Variants in ENTR1 observed in about 807,000 individuals in gnomAD.
ENTR1 encodes the protein endosome associated trafficking regulator 1.
In ENTR1, 47 loss-of-function variants were observed where a neutral mutation model predicts 47.9. The observed-to-expected ratio is 0.98, with a 90% CI of 0.78 to 1.25. The LOEUF is 1.25. ENTR1 is among the 50% of genes most tolerant of loss of function. The probability of loss-of-function intolerance (pLI) is 0.00; values close to 1 mark genes in which losing one functional copy is unlikely to be tolerated. For missense variants in ENTR1, 668 were observed against 570.5 expected (o/e 1.17, Z -1.74); for synonymous variants, 290 against 245.8 (o/e 1.18, Z -1.68).
intron 3 of ENTR1, among the ~76,000 whole-genome samples, chr9:136,408,790 C>T (rs1834911257): frequency 6.6e-6 from 1 of 152,176 alleles, no homozygotes; most frequent in Non-Finnish European, 1.5e-5. Context: ...GCTCCTGTGG[C>T]CCCAGCCCCC....
rs1163681662 is a variant in ENTR1 at position 136,410,474 on chromosome 9, GGCCCGCGTCGCCC to G, written c.-90_-78del. On this transcript the variant is annotated 5_prime_UTR_variant, in exon 1 of 10. Transcript: ENST00000357365. ...ATGGCCCCGGCTCCGCCCGTGCCGC[GGCCCGCGTCGCCC>G]GCCCCCGTCGCCCGCCCCCGTCGCC... The G allele has an allele frequency of 1.4e-5, 14 of 993,144 alleles. No homozygotes were observed. The highest frequency in any genetic ancestry group is 7.9e-5 in the East Asian group (1 of 12,582). 61.5% of individuals were successfully genotyped at this position (993,144 alleles called of 1,614,324 possible). A position where few individuals can be genotyped will look rare whatever the true frequency, so the allele number is the denominator to read the frequency against.
intron 3 of ENTR1, among the ~76,000 whole-genome samples, chr9:136,408,432 G>T (rs1834889681): frequency 6.6e-6 from 1 of 152,004 alleles, no homozygotes; most frequent in African/African-American, 2.4e-5. Context: ...CAAAAAATTA[G>T]CCAGGCGTGG....
intron 3 of ENTR1, 38 bp downstream of exon 3, chr9:136,408,961 G>C: frequency 6.4e-7 from 1 of 1,573,724 alleles, no homozygotes; most frequent in Non-Finnish European, 8.7e-7. Context: ...CACTGTGTTG[G>C]ATGGAGACAA....
chr9:136,407,598 T>A (rs778078270), intron 4 of ENTR1, 37 bp from the exon 5 acceptor site: 2 of 1,510,130 alleles, frequency 1.3e-6, no homozygotes, highest in East Asian at 2.3e-5. Context: ...ATGGAGGCCA[T>A]GCTTCTGACT....
Position 136,407,411 on chromosome 9 carries a change from T to C in ENTR1, c.553A>G (p.Ser185Gly), listed in dbSNP as rs1588791524. ...DEEEDEDTGW[S>G]GAYLPSAIEQ... ...ATGGCGGACGGCAGGTAGGCCCCACTCCATCCGGTGTCCTCATCCTCCTCC... is the reference window on the plus strand; with the variant it reads ...ATGGCGGACGGCAGGTAGGCCCCACCCCATCCGGTGTCCTCATCCTCCTCC... The change falls in exon 5 of 10, where the codon AGT (serine) becomes GGT (glycine). Residue 185 changes from serine to glycine, a missense_variant. Coordinates refer to ENST00000357365, the MANE Select transcript of ENTR1 (RefSeq NM_001039707.2). 6.2e-7 allele frequency: 1 copy of C among 1,608,788 alleles called. No homozygotes were observed. Among genetic ancestry groups the C allele is most frequent in the Non-Finnish European group, 8.5e-7 (1 of 1,179,028 alleles).
chr9:136,404,896 C>A, intron 7 of ENTR1, 195 bp downstream of exon 7: 3 of 667,530 alleles, frequency 4.5e-6, no homozygotes, highest in Non-Finnish European at 5.1e-6. Flanking sequence ...TCTGGCCCCC[C>A]ACTCCCCACG....
intron 9 of ENTR1, among the ~76,000 whole-genome samples, chr9:136,403,295 C>T (rs1225322076): frequency 9.4e-5 from 11 of 117,548 alleles, no homozygotes; most frequent in Admixed American, 4.4e-4. Context: ...CAGAAGGGGT[C>T]CCAGGGAGCA....
Position 136,404,709 on chromosome 9 carries a change from G to C in ENTR1, c.1006-16C>G. The C allele has an allele frequency of 6.2e-7, 1 of 1,613,620 alleles. No homozygotes were observed. On this transcript the variant is annotated splice_polypyrimidine_tract_variant and intron_variant, in intron 7 of 9. Coordinates refer to ENST00000357365, the MANE Select transcript of ENTR1 (RefSeq NM_001039707.2). ...CAGCCCGTTTCTGTTACCCAAAAAAGAAAAACCACAAAAAGCATCACTGAT... is the reference window on the plus strand; with the variant it reads ...CAGCCCGTTTCTGTTACCCAAAAAACAAAAACCACAAAAAGCATCACTGAT...
Position 136,410,092 on chromosome 9 carries a change from G to T in ENTR1, c.218C>A (p.Thr73Lys), listed in dbSNP as rs369696101. 10 of 1,612,614 alleles carry T rather than the reference G, an allele frequency of 6.2e-6. No homozygotes were observed. The African/African-American group carries it at 1.1e-4, about 17-fold the overall frequency. Residue 73 changes from threonine to lysine, a missense_variant and splice_region_variant, in exon 2 of 10, where the codon ACA (threonine) becomes AAA (lysine). By Grantham distance (78) the Thr-to-Lys change is moderately conservative. Transcript: ENST00000357365. ...GGGCCGGCGCCCTCGTCTCTCACCT[G>T]TGTCTCCCACGGAAGCCAGCACCGG... ...PSPVLASVGD[T>K]DFGYGKGKCS...
Position 136,402,934 on chromosome 9 carries a change from C to T in ENTR1, c.1209-47G>A, listed in dbSNP as rs539020018. The T allele has an allele frequency of 4.3e-6, 6 of 1,384,866 alleles. No individual in the cohort carries two copies. In the Admixed American group the frequency reaches 9.6e-5, roughly 22 times the overall value. 85.8% of individuals were successfully genotyped at this position (1,384,866 alleles called of 1,614,324 possible). On this transcript the variant is annotated intron_variant, in intron 9 of 9. Coordinates refer to ENST00000357365, the MANE Select transcript of ENTR1 (RefSeq NM_001039707.2). The stretch of plus-strand genomic sequence containing the variant: ...AGGATGGGTGGCAGCAGCTACTCAG[C>T]AGCAACAGGGTTCTGGGGGGAGAAA...
rs1257476053 is a variant in ENTR1, at chr9:136,407,413, C to T, written c.551G>A (p.Trp184Ter). The part of the protein sequence containing the change: ...LDEEEDEDTG[W>*]SGAYLPSAIE... The stretch of plus-strand genomic sequence containing the variant: ...GGCGGACGGCAGGTAGGCCCCACTC[C>T]ATCCGGTGTCCTCATCCTCCTCCTC... The change falls in exon 5 of 10, where the codon TGG (tryptophan) becomes TAG (stop). Residue 184 changes from tryptophan (W) to a stop codon, truncating the protein, a stop_gained. Coordinates refer to ENST00000357365, the MANE Select transcript of ENTR1 (RefSeq NM_001039707.2). LOFTEE classifies it high-confidence loss of function. The T allele has an allele frequency of 1.2e-6, 2 of 1,609,366 alleles. No individual in the cohort carries two copies. Among genetic ancestry groups the T allele is most frequent in the Non-Finnish European group, 1.7e-6 (2 of 1,179,162 alleles).
Position 136,402,026 on chromosome 9 carries a change from A to C in ENTR1, c.*762T>G, listed in dbSNP as rs1465407859. On this transcript the variant is annotated 3_prime_UTR_variant, in exon 10 of 10. Coordinates refer to ENST00000357365, the MANE Select transcript of ENTR1 (RefSeq NM_001039707.2). ...TAGGAAAATAGTCAAAAAAGCATTTAGTGCTCATCGCCGTCCCTCTGAGGG... is the reference window on the plus strand; with the variant it reads ...TAGGAAAATAGTCAAAAAAGCATTTCGTGCTCATCGCCGTCCCTCTGAGGG... The C allele has an allele frequency of 6.6e-6, 1 of 152,612 alleles. No individual in the cohort carries two copies. Among genetic ancestry groups the C allele is most frequent in the Non-Finnish European group, 1.5e-5 (1 of 68,062 alleles). The allele number at this position is 152,612 out of a possible 1,614,324, so 9.5% of individuals were successfully genotyped here.
At chr9:136,406,265 T>C (rs1214585576) in intron 5 of ENTR1, among the ~76,000 whole-genome samples, 1 of 151,946 alleles carries the variant, frequency 6.6e-6, no homozygotes, top group Non-Finnish European at 1.5e-5. Context: ...GTCAGGAGTT[T>C]GAGACCAGCC....
At position 136,407,558 on chromosome 9, in the gene ENTR1, C is replaced by G; in HGVS notation, c.406G>C (p.Ala136Pro). ...DPASRIYAKEASRHSLGLDHN... is the reference protein window; with the variant it reads ...DPASRIYAKEPSRHSLGLDHN... ...TCAAGTCCCAGGGAATGCCTCGAGG[C>G]TTCCTAAAAAAAAAAAAAAAAAAAA... Residue 136 changes from alanine to proline, a missense_variant, in exon 5 of 10, where the codon GCC becomes CCC. By Grantham distance (27) the Ala-to-Pro change is conservative. Coordinates refer to ENST00000357365, the MANE Select transcript of ENTR1 (RefSeq NM_001039707.2). 1 of 1,390,436 alleles carries G rather than the reference C, an allele frequency of 7.2e-7. No individual in the cohort carries two copies. Among genetic ancestry groups the G allele is most frequent in the Non-Finnish European group, 9.4e-7 (1 of 1,064,352 alleles). The allele number at this position is 1,390,436 out of a possible 1,614,324, so 86.1% of individuals were successfully genotyped here. A position where few individuals can be genotyped will look rare whatever the true frequency, so the allele number is the denominator to read the frequency against.
Position 136,409,072 on chromosome 9 carries a change from A to G in ENTR1, c.221-5T>C, listed in dbSNP as rs757976260. On this transcript the variant is annotated splice_region_variant and splice_polypyrimidine_tract_variant and intron_variant, in intron 2 of 9. Coordinates refer to ENST00000357365, the MANE Select transcript of ENTR1 (RefSeq NM_001039707.2). ...TCCCCTTTCCATAGCCAAAATCTGC[A>G]AAGAAACAATGTCACCCACCATGCT... The G allele has an allele frequency of 1.2e-6, 2 of 1,613,822 alleles. No individual in the cohort carries two copies. The highest frequency in any genetic ancestry group is 2.2e-5 in the East Asian group (1 of 44,888).
chr9:136,409,937 G>A, intron 2 of ENTR1, 153 bp downstream of exon 2: 1 of 918,184 alleles, frequency 1.1e-6, no homozygotes, highest in Non-Finnish European at 1.8e-6. Context: ...TGAGCTCCTA[G>A]CAGGGGACTC....
In ENTR1 at chr9:136,404,687, C is replaced by A; in HGVS notation, c.1012G>T (p.Ala338Ser). 1 of 1,614,102 alleles carries A rather than the reference C, an allele frequency of 6.2e-7. No homozygotes were observed. Among genetic ancestry groups the A allele is most frequent in the Non-Finnish European group, 8.5e-7 (1 of 1,180,014 alleles). The stretch of plus-strand genomic sequence containing the variant: ...ACGACGTGGTTTTCTGCCTTTACAG[C>A]CCGTTTCTGTTACCCAAAAAAGAAA... ...EQNLELMTKRAVKAENHVVKL... is the reference protein window; with the variant it reads ...EQNLELMTKRSVKAENHVVKL... Residue 338 changes from alanine to serine, a missense_variant, in exon 8 of 10, where the codon GCT becomes TCT. Ala to Ser is a moderately conservative substitution (Grantham distance 99). Coordinates refer to ENST00000357365, the MANE Select transcript of ENTR1 (RefSeq NM_001039707.2).
chr9:136,402,942 G>A (rs1255459599), intron 9 of ENTR1, 55 bp from the exon 10 acceptor site: 1 of 1,360,258 alleles, frequency 7.4e-7, no homozygotes, highest in Admixed American at 1.8e-5. Context: ...AGCAGCAACA[G>A]GGTTCTGGGG....
At chr9:136,408,728 G>A (rs1834907505) in intron 3 of ENTR1, among the ~76,000 whole-genome samples, 1 of 152,108 alleles carries the variant, frequency 6.6e-6, no homozygotes, top group African/African-American at 2.4e-5. Flanking sequence ...ACCCTCCGGG[G>A]ACTTAAGCAG....
Sources: gnomAD v4.1 joint callset for allele counts (sites outside exome capture counted in the v4.1 genomes callset) on GRCh38, gnomAD v4.1.1 for gene constraint, MANE v1.5 for transcripts, NCBI Gene and HGNC (gene_info 2026-07-23, HGNC 2026-07-21) for gene names.